The following TMEM132B variants were observed in gnomAD, a reference collection of about 807,000 sequenced individuals.
TMEM132B encodes transmembrane protein 132B.
A neutral mutation model predicts 90.8 loss-of-function variants in TMEM132B; 18 were observed. The observed-to-expected ratio is 0.20, with a 90% CI of 0.14 to 0.29. The LOEUF (loss-of-function observed/expected upper bound fraction) is 0.29. Among genes scored for constraint, TMEM132B ranks in the 10% least tolerant of loss-of-function variants. The pLI, the probability that TMEM132B is intolerant of heterozygous loss-of-function variation, is 1.00. For missense variants in TMEM132B, 1,096 were observed against 1,326.8 expected (o/e 0.83, Z 2.70); for synonymous variants, 504 against 523.3 (o/e 0.96, Z 0.50).
At chr12:125,435,567 T>C (rs566488616) in intron 3 of TMEM132B, among the ~76,000 whole-genome samples, 1 of 152,184 alleles carries the variant, frequency 6.6e-6, no homozygotes. Flanking sequence ...CAGGCACTAG[T>C]ATAGGTGCTG....
At chr12:125,602,643 G>A (rs934302140) in intron 5 of TMEM132B, among the ~76,000 whole-genome samples, 5 of 152,134 alleles carry the variant, frequency 3.3e-5, no homozygotes, top group African/African-American at 4.8e-5. Context: ...GAAATAAAGC[G>A]TATTCAAATA....
At chr12:125,449,070 C>T (rs772969253) in intron 3 of TMEM132B, among the ~76,000 whole-genome samples, 1 of 151,240 alleles carries the variant, frequency 6.6e-6, no homozygotes, top group Non-Finnish European at 1.5e-5. Context: ...GGGCTCACAC[C>T]ATTCTTCTGC....
chr12:125,228,880 G>A (rs955128349), intron 1 of TMEM132B, among the ~76,000 whole-genome samples: 26 of 152,182 alleles, frequency 1.7e-4, no homozygotes, highest in Non-Finnish European at 8.8e-5. Flanking sequence ...TGAGATAGAA[G>A]AGCCTGTGTA....
At position 125,603,855 on chromosome 12, in the gene TMEM132B, T is replaced by C. The variant is rs1885625084; in HGVS notation, c.1437+19861T>C. Among the ~76,000 whole-genome samples the C allele has an allele frequency of 2.0e-5, 3 of 152,326 alleles. No individual in the cohort carries two copies. In the South Asian group the frequency reaches 6.2e-4, roughly 32 times the overall value. ...CAAATATATGAAGAAAAGCTCAACA[T>C]CACTGATCATTAGAGAAATGCAAAT... On this transcript the variant is annotated intron_variant, in intron 5 of 8. Transcript: ENST00000682704.
chr12:125,482,443 A>G (rs1882071728), intron 3 of TMEM132B, among the ~76,000 whole-genome samples: 1 of 152,254 alleles, frequency 6.6e-6, no homozygotes, highest in Non-Finnish European at 1.5e-5. Flanking sequence ...AAGTGGGCAA[A>G]GGATATGAAC....
chr12:125,543,214 C>A (rs974326670), intron 4 of TMEM132B, among the ~76,000 whole-genome samples: 1 of 152,160 alleles, frequency 6.6e-6, no homozygotes, highest in African/African-American at 2.4e-5. Flanking sequence ...CTTAAAAATT[C>A]AGTTATATGA....
chr12:125,214,238 A>C (rs7957133), intron 1 of TMEM132B, among the ~76,000 whole-genome samples: 2,251 of 152,344 alleles, frequency 0.015, 55 homozygotes, highest in African/African-American at 0.051. Context: ...TAGGCTTCTG[A>C]TGTGGCTGAC....
At chr12:125,369,186 A>G (rs1375087177) in intron 2 of TMEM132B, among the ~76,000 whole-genome samples, 1 of 152,166 alleles carries the variant, frequency 6.6e-6, no homozygotes. Flanking sequence ...CCGTGTCCCT[A>G]CAAAGGACAT....
At chr12:125,541,957 G>A (rs1200641882) in intron 4 of TMEM132B, among the ~76,000 whole-genome samples, 2 of 149,892 alleles carry the variant, frequency 1.3e-5, no homozygotes, top group Admixed American at 6.7e-5. Flanking sequence ...CCCGGTAGGC[G>A]GAGCTTGCAG....
chr12:125,565,165 A>G (rs1210765921), intron 4 of TMEM132B, among the ~76,000 whole-genome samples: 1 of 152,318 alleles, frequency 6.6e-6, no homozygotes, highest in East Asian at 1.9e-4. Context: ...TGACTTCTGA[A>G]GTGACCGAGC....
chr12:125,549,001 A>G (rs1884156885), intron 4 of TMEM132B, among the ~76,000 whole-genome samples: 1 of 152,018 alleles, frequency 6.6e-6, no homozygotes, highest in Non-Finnish European at 1.5e-5. Context: ...TTAGAAATAA[A>G]GTTTTGATAC....
chr12:125,477,674 A>G (rs1881923218), intron 3 of TMEM132B, among the ~76,000 whole-genome samples: 1 of 152,088 alleles, frequency 6.6e-6, no homozygotes, highest in African/African-American at 2.4e-5. Flanking sequence ...TTGGATTTTT[A>G]ATTTGCTTCC....
intron 4 of TMEM132B, among the ~76,000 whole-genome samples, chr12:125,525,586 CA>C (rs2136676667): frequency 6.6e-6 from 1 of 152,316 alleles, no homozygotes; most frequent in South Asian, 2.1e-4. Context: ...TTCCAGCATC[CA>C]GAACTGTGAG....
intron 1 of TMEM132B, among the ~76,000 whole-genome samples, chr12:125,304,455 G>T (rs1179460533): frequency 6.6e-6 from 1 of 151,824 alleles, no homozygotes; most frequent in East Asian, 1.9e-4. Flanking sequence ...GTCCTTCATG[G>T]ATTTTGCAAT....
At chr12:125,489,620 T>C (rs1882297128) in intron 3 of TMEM132B, among the ~76,000 whole-genome samples, 2 of 152,048 alleles carry the variant, frequency 1.3e-5, no homozygotes, top group South Asian at 4.1e-4. Context: ...CTATGTTGTC[T>C]AGGCTGATCT....
At chr12:125,595,818 T>A (rs1885426142) in intron 5 of TMEM132B, among the ~76,000 whole-genome samples, 1 of 151,688 alleles carries the variant, frequency 6.6e-6, no homozygotes, top group South Asian at 2.1e-4. Flanking sequence ...GAGTGAAATT[T>A]CACATTGAAC....
chr12:125,508,777 TTTC>T (rs1882906108), intron 3 of TMEM132B, among the ~76,000 whole-genome samples: 1 of 151,250 alleles, frequency 6.6e-6, no homozygotes, highest in African/African-American at 2.4e-5. Context: ...TCTTTCTTTC[TTTC>T]TTTTTTTTTT....
At position 125,220,940 on chromosome 12, in the gene TMEM132B, A is replaced by C. The variant is rs367775330; in HGVS notation, c.67+34074A>C. Among the ~76,000 whole-genome samples the C allele has an allele frequency of 6.8e-4, 104 of 152,294 alleles. 5 individuals are homozygous for C. The South Asian group carries it at 0.02, about 29-fold the overall frequency. The stretch of plus-strand genomic sequence containing the variant: ...TCCTGTTGTCCCAGAGAGGCCCAGC[A>C]CCCATTTGCCCCAGGGCCTTTGCAC... On this transcript the variant is annotated intron_variant, in intron 1 of 8. Transcript: ENST00000682704.
At chr12:125,291,739 G>A (rs1875546258) in intron 1 of TMEM132B, among the ~76,000 whole-genome samples, 1 of 152,112 alleles carries the variant, frequency 6.6e-6, no homozygotes, top group African/African-American at 2.4e-5. Context: ...TGACCTATGG[G>A]AACCATGAGA....
Sources: allele counts gnomAD v4.1 joint callset (sites outside exome capture counted in the v4.1 genomes callset), GRCh38; gene constraint gnomAD v4.1.1; transcripts MANE v1.5; gene names NCBI Gene and HGNC (gene_info 2026-07-23, HGNC 2026-07-21).